Variants in PHYHIPL observed in about 807,000 individuals in gnomAD.
PHYHIPL encodes the protein phytanoyl-CoA 2-hydroxylase interacting protein like, also known as phytanoyl-CoA hydroxylase-interacting protein-like.
PHYHIPL carries 9 observed loss-of-function variants against 33.4 expected under a neutral mutation model. The ratio of observed to expected loss-of-function variants is 0.27; its 90% CI spans 0.16 to 0.47. The LOEUF (loss-of-function observed/expected upper bound fraction) is 0.47. PHYHIPL is among the 20% of genes least tolerant of loss of function. The pLI, the probability that PHYHIPL is intolerant of heterozygous loss-of-function variation, is 0.99. For synonymous variants in PHYHIPL, 153 were observed against 154.1 expected, an observed-to-expected ratio of 0.99 and a Z score of 0.05; for missense variants, 365 against 460.7, an observed-to-expected ratio of 0.79 and a Z score of 1.90.
At position 59,213,188 on chromosome 10, in the gene PHYHIPL, A is replaced by C. The variant is rs540350412; in HGVS notation, c.107-21116A>C. On this transcript the variant is annotated intron_variant, in intron 1 of 4. Transcript: ENST00000373880. ...TTCTTAAAAAAAAAAATCTAATCTC[A>C]TTTTCTCCAATGCACTTTCTTCAGT... Among the ~76,000 whole-genome samples the C allele has an allele frequency of 6.6e-5, 10 of 152,058 alleles. No homozygotes were observed. In the East Asian group the frequency reaches 1.9e-3, roughly 29 times the overall value.
In PHYHIPL at chr10:59,245,427, CA is replaced by C; in HGVS notation, c.968del (p.His323ProfsTer8). 6.2e-7 allele frequency: 1 copy of C among 1,614,048 alleles called. No homozygotes were observed. Among genetic ancestry groups the C allele is most frequent in the Non-Finnish European group, 8.5e-7 (1 of 1,180,008 alleles). On this transcript the variant is annotated frameshift_variant, in exon 5 of 5. Coordinates refer to ENST00000373880, the MANE Select transcript of PHYHIPL (RefSeq NM_032439.4). LOFTEE classifies it high-confidence loss of function. ...CTEEDGVLVY[H>X]HAQDVILEVI... ...AGAAGAAGATGGGGTGCTGGTTTAC[CA>C]CCATGCCCAGGATGTCATTTTAGAA...
At chr10:59,183,916 T>C (rs1178157131) in intron 1 of PHYHIPL, among the ~76,000 whole-genome samples, 1 of 152,222 alleles carries the variant, frequency 6.6e-6, no homozygotes, top group Non-Finnish European at 1.5e-5. Context: ...TCCTTAGACA[T>C]ATGCCAATAA....
chr10:59,203,508 G>A (rs1475417043), intron 1 of PHYHIPL, among the ~76,000 whole-genome samples: 1 of 152,034 alleles, frequency 6.6e-6, no homozygotes, highest in African/African-American at 2.4e-5. Flanking sequence ...CAAAGACTTG[G>A]AACCAACCCA....
At chr10:59,227,292 G>A (rs1355711563) in intron 1 of PHYHIPL, among the ~76,000 whole-genome samples, 1 of 152,142 alleles carries the variant, frequency 6.6e-6, no homozygotes, top group African/African-American at 2.4e-5. Context: ...GTGTGGTAGA[G>A]AAGCAAGGCA....
Position 59,246,785 on chromosome 10 carries a change from T to C in PHYHIPL, c.*1194T>C. On this transcript the variant is annotated 3_prime_UTR_variant, in exon 5 of 5. Transcript: ENST00000373880. ...AAAATGTATATTCCCAATGAAAAAA[T>C]AGTTATATCATCTTATAGTAAACCA... 1 of 394,084 alleles carries C rather than the reference T, an allele frequency of 2.5e-6. No homozygotes were observed. The highest frequency in any genetic ancestry group is 4.4e-5 in the Admixed American group (1 of 22,656). The allele number at this position is 394,084 out of a possible 1,614,324, so 24.4% of individuals were successfully genotyped here. A position where few individuals can be genotyped will look rare whatever the true frequency, so the allele number is the denominator to read the frequency against.
At chr10:59,229,879 T>C (rs1486959919) in intron 1 of PHYHIPL, among the ~76,000 whole-genome samples, 1 of 152,168 alleles carries the variant, frequency 6.6e-6, no homozygotes, top group African/African-American at 2.4e-5. Flanking sequence ...TTTTCAGTCT[T>C]GTTTACCTAT....
intron 1 of PHYHIPL, among the ~76,000 whole-genome samples, chr10:59,192,390 T>C (rs1015867626): frequency 1.3e-5 from 2 of 152,246 alleles, no homozygotes; most frequent in African/African-American, 4.8e-5. Context: ...GAGTTTCTGA[T>C]TCCTTAGATC....
intron 1 of PHYHIPL, 140 bp from the exon 2 acceptor site, chr10:59,234,164 T>G: frequency 1.6e-6 from 1 of 641,878 alleles, no homozygotes. Context: ...TGAAAACAAA[T>G]TGGAAACATA....
chr10:59,176,219 G>C (rs1208647511), upstream of PHYHIPL, among the ~76,000 whole-genome samples: 2 of 152,200 alleles, frequency 1.3e-5, no homozygotes, highest in Non-Finnish European at 1.5e-5. Flanking sequence ...AGTCCGAAGA[G>C]TCCGGGCCCT....
chr10:59,185,909 G>C (rs1009591122), intron 1 of PHYHIPL, among the ~76,000 whole-genome samples: 18 of 152,266 alleles, frequency 1.2e-4, no homozygotes, highest in South Asian at 6.2e-4. Context: ...CTCCCATTCT[G>C]TATGTTGCCT....
chr10:59,194,272 T>C (rs777057605), intron 1 of PHYHIPL, among the ~76,000 whole-genome samples: 5 of 151,912 alleles, frequency 3.3e-5, no homozygotes, highest in Admixed American at 6.6e-5. Context: ...CTAAGATATT[T>C]ATTTTTCTAA....
chr10:59,225,441 T>C (rs1839898698), intron 1 of PHYHIPL, among the ~76,000 whole-genome samples: 2 of 152,044 alleles, frequency 1.3e-5, no homozygotes, highest in Non-Finnish European at 2.9e-5. Flanking sequence ...AAAGCAGATA[T>C]GCTAGGGGCC....
At chr10:59,238,380 G>C (rs1389889669) in intron 3 of PHYHIPL, among the ~76,000 whole-genome samples, 1 of 151,878 alleles carries the variant, frequency 6.6e-6, no homozygotes, top group Non-Finnish European at 1.5e-5. Context: ...GGTATTCTAA[G>C]AAACAACCAT....
intron 1 of PHYHIPL, among the ~76,000 whole-genome samples, chr10:59,217,529 T>C (rs889515274): frequency 1.1e-4 from 17 of 152,086 alleles, no homozygotes; most frequent in African/African-American, 3.8e-4. Context: ...GTACTTGAAA[T>C]GTTTTAGCTG....
intron 4 of PHYHIPL, among the ~76,000 whole-genome samples, chr10:59,239,318 A>G (rs1369820522): frequency 6.6e-6 from 1 of 152,022 alleles, no homozygotes; most frequent in Non-Finnish European, 1.5e-5. Flanking sequence ...CATGGATAGC[A>G]ACAGGCAAAA....
At chr10:59,193,737 A>G (rs1282640071) in intron 1 of PHYHIPL, among the ~76,000 whole-genome samples, 1 of 152,070 alleles carries the variant, frequency 6.6e-6, no homozygotes, top group Non-Finnish European at 1.5e-5. Context: ...CTAAGGCTGA[A>G]TATTTGAGCC....
intron 4 of PHYHIPL, among the ~76,000 whole-genome samples, chr10:59,242,112 C>T (rs182670985): frequency 2.0e-5 from 3 of 152,312 alleles, no homozygotes; most frequent in Admixed American, 2.0e-4. Flanking sequence ...CTTCTCCTTC[C>T]ATCCTCTGCT....
intron 1 of PHYHIPL, among the ~76,000 whole-genome samples, chr10:59,227,512 A>T (rs2133271550): frequency 6.6e-6 from 1 of 152,302 alleles, no homozygotes; most frequent in South Asian, 2.1e-4. Flanking sequence ...AAGCCTCAAC[A>T]TGAGTTTTGA....
At chr10:59,177,149 G>C (rs1452522081) in intron 1 of PHYHIPL, 190 bp downstream of exon 1, 1 of 611,132 alleles carries the variant, frequency 1.6e-6, no homozygotes, top group African/African-American at 1.9e-5. Context: ...AGGACCCCGG[G>C]GCTCGCGCCT....
Sources: allele counts gnomAD v4.1 joint callset (sites outside exome capture counted in the v4.1 genomes callset), GRCh38; gene constraint gnomAD v4.1.1; transcripts MANE v1.5; gene names NCBI Gene and HGNC (gene_info 2026-07-23, HGNC 2026-07-21).